Variants in DSC3 observed in about 807,000 individuals in gnomAD.
The protein encoded by DSC3 is desmocollin 3, also known as desmocollin-3.
In DSC3, 97 loss-of-function variants were observed where a neutral mutation model predicts 89.5. That is an observed-to-expected ratio of 1.08 (90% CI 0.92 to 1.28). The LOEUF (loss-of-function observed/expected upper bound fraction) is 1.28. Among genes scored for constraint, DSC3 ranks in the 50% most tolerant of loss-of-function variants. The pLI is 0.00. For synonymous variants in DSC3, 436 were observed against 384.1 expected (o/e 1.14, Z -1.58); for missense variants, 1,199 against 1,085.3 (o/e 1.10, Z -1.47).
chr18:31,016,136 C>T (rs1326982784), intron 9 of DSC3, among the ~76,000 whole-genome samples: 1 of 152,128 alleles, frequency 6.6e-6, no homozygotes. Flanking sequence ...GAACTCCTGC[C>T]AGTTTTCCAG....
chr18:31,028,962 T>C (rs1053324207), intron 4 of DSC3, among the ~76,000 whole-genome samples: 1 of 152,152 alleles, frequency 6.6e-6, no homozygotes, highest in African/African-American at 2.4e-5. Context: ...TGTACTTTCC[T>C]CTTCTTCTGC....
At chr18:30,998,269 GAGCCTACA>G (rs1464336499) in intron 14 of DSC3, among the ~76,000 whole-genome samples, 5 of 152,122 alleles carry the variant, frequency 3.3e-5, no homozygotes, top group Non-Finnish European at 7.4e-5. Context: ...ACTCCACAGA[GAGCCTACA>G]AGTATCTAGA....
intron 9 of DSC3, among the ~76,000 whole-genome samples, chr18:31,014,334 T>A (rs552399224): frequency 6.6e-6 from 1 of 152,246 alleles, no homozygotes; most frequent in African/African-American, 2.4e-5. Context: ...TACTTAAACA[T>A]GTTTGTGTAT....
chr18:31,019,679 A>C (rs1985355274), intron 7 of DSC3, among the ~76,000 whole-genome samples: 2 of 152,112 alleles, frequency 1.3e-5, no homozygotes, highest in Non-Finnish European at 2.9e-5. Context: ...CGTACTCCCA[A>C]GCTACTTGAG....
intron 7 of DSC3, 70 bp from the exon 8 acceptor site, chr18:31,018,870 G>A (rs1041624654): frequency 4.8e-5 from 67 of 1,398,284 alleles, no homozygotes; most frequent in Non-Finnish European, 6.5e-5. Context: ...AACCTCAATT[G>A]CACACTCACT....
chr18:31,025,671 G>A (rs1023063795), intron 5 of DSC3, 89 bp downstream of exon 5: 2 of 1,352,558 alleles, frequency 1.5e-6, no homozygotes, highest in South Asian at 2.4e-5. Context: ...AGAAGAGAAT[G>A]CAAGGAGAGA....
chr18:31,030,686 G>C (rs1351410771), intron 3 of DSC3, among the ~76,000 whole-genome samples: 2 of 151,630 alleles, frequency 1.3e-5, no homozygotes, highest in African/African-American at 4.8e-5. Context: ...GAGAGGTAGA[G>C]AGAAGGATAG....
chr18:31,006,987 A>G lies in DSC3; in HGVS notation c.1808T>C (p.Val603Ala), dbSNP rs746577484. 4 of 1,613,968 alleles carry G rather than the reference A, an allele frequency of 2.5e-6. No individual in the cohort carries two copies. Among genetic ancestry groups the G allele is most frequent in the Non-Finnish European group, 2.5e-6 (3 of 1,179,946 alleles). ...ACTGAAATAAAATGGAGCTCCATGG[A>G]CAGGTTCATCAGGATCAACAGCTAA... ...DILAVDPDEPVHGAPFYFSLP... is the reference protein window; with the variant it reads ...DILAVDPDEPAHGAPFYFSLP... Residue 603 changes from valine (V) to alanine (A), a missense_variant, in exon 12 of 16, where the codon GTC (valine) becomes GCC (alanine). By Grantham distance (64) the Val-to-Ala change is moderately conservative (BLOSUM62 0). Transcript: ENST00000360428.
rs769775168 is a variant in DSC3 at position 31,031,059 on chromosome 18, T to C, written c.268A>G (p.Lys90Glu). 5 of 1,614,122 alleles carry C rather than the reference T, an allele frequency of 3.1e-6. No homozygotes were observed. The South Asian group carries it at 4.4e-5, about 14-fold the overall frequency. ...AGCCATATGGTAAATGATCTTTTCT[T>C]ATCAGACAGCGCAACAGCCCTGGCT... ...YTARAVALSD[K>E]KRSFTIWLSD... Residue 90 changes from lysine (K) to glutamate (E), a missense_variant, in exon 3 of 16, where the codon AAG becomes GAG. By Grantham distance (56) the Lys-to-Glu change is moderately conservative. Coordinates refer to ENST00000360428, the MANE Select transcript of DSC3 (RefSeq NM_001941.5).
rs555847013 is a variant in DSC3 at position 31,024,280 on chromosome 18, C to G, written c.775+69G>C. 35 of 1,437,304 alleles carry G rather than the reference C, an allele frequency of 2.4e-5. No individual in the cohort carries two copies. The African/African-American group carries it at 4.4e-4, about 18-fold the overall frequency. 89.0% of individuals were successfully genotyped at this position (1,437,304 alleles called of 1,614,324 possible). A position where few individuals can be genotyped will look rare whatever the true frequency, so the allele number is the denominator to read the frequency against. The stretch of plus-strand genomic sequence containing the variant: ...CTGATCTGGCCTTGAGTATAAAAAG[C>G]TCTATGTCTTTTAAAATGTACACAG... On this transcript the variant is annotated intron_variant, in intron 6 of 15. Transcript: ENST00000360428.
intron 2 of DSC3, among the ~76,000 whole-genome samples, chr18:31,031,491 G>A (rs1259037651): frequency 6.6e-6 from 1 of 152,056 alleles, no homozygotes; most frequent in African/African-American, 2.4e-5. Context: ...TGAGCAACAT[G>A]CCCCCAACAC....
chr18:31,016,628 A>T (rs1371244776), intron 9 of DSC3, among the ~76,000 whole-genome samples: 1 of 152,148 alleles, frequency 6.6e-6, no homozygotes, highest in Non-Finnish European at 1.5e-5. Flanking sequence ...TTGGCTCTTC[A>T]GATTCAGGGT....
At position 30,989,906 on chromosome 18, in the gene DSC3, G is replaced by A. The variant is rs1984173853; in HGVS notation, c.*4269C>T. 6.9e-6 allele frequency: 1 copy of A among 144,490 alleles called. No individual in the cohort carries two copies. The highest frequency in any genetic ancestry group is 2.6e-5 in the African/African-American group (1 of 38,036). 9.0% of individuals were successfully genotyped at this position (144,490 alleles called of 1,614,324 possible). A position where few individuals can be genotyped will look rare whatever the true frequency, so the allele number is the denominator to read the frequency against. On this transcript the variant is annotated 3_prime_UTR_variant, in exon 16 of 16. Transcript: ENST00000360428. Reference sequence around the variant, plus strand: ...CCTATGTAACAAACCTGCACATCCTGCACGTGTATCCTGGAACTTAAAATA... The same window carrying A: ...CCTATGTAACAAACCTGCACATCCTACACGTGTATCCTGGAACTTAAAATA...
chr18:31,037,998 T>C (rs973965836), intron 1 of DSC3, among the ~76,000 whole-genome samples: 3 of 152,210 alleles, frequency 2.0e-5, no homozygotes, highest in African/African-American at 2.4e-5. Context: ...AATCAGTTTT[T>C]CTCTGTTGAT....
rs1985443712 is a variant in DSC3, at chr18:31,022,193, A to G, written c.942+143T>C. ...TAAGGAAATAGAAATAATATAAAAA[A>G]CAGAAAAAATTGTTAGGAATTCTTA... is the stretch of plus-strand genomic sequence containing the variant. On this transcript the variant is annotated intron_variant, in intron 7 of 15. Coordinates refer to ENST00000360428, the MANE Select transcript of DSC3 (RefSeq NM_001941.5). The G allele has an allele frequency of 3.0e-6, 3 of 1,015,996 alleles. No homozygotes were observed. The Admixed American group carries it at 8.0e-5, about 27-fold the overall frequency. The allele number at this position is 1,015,996 out of a possible 1,614,324, so 62.9% of individuals were successfully genotyped here. A position where few individuals can be genotyped will look rare whatever the true frequency, so the allele number is the denominator to read the frequency against.
intron 6 of DSC3, among the ~76,000 whole-genome samples, chr18:31,023,632 GA>G (rs1985497008): frequency 6.6e-6 from 1 of 152,058 alleles, no homozygotes; most frequent in Non-Finnish European, 1.5e-5. Flanking sequence ...GCAACTACTG[GA>G]AACTTTAAAA....
chr18:31,018,174 G>T lies in DSC3; in HGVS notation c.1160C>A (p.Ala387Asp). ...AATGGTAAAATTGACTCTCCAATTG[G>T]CAGTGTTAATTAAATCCTTATCTTC... The part of the protein sequence containing the change: ...PIEDKDLINT[A>D]NWRVNFTILK... Residue 387 changes from alanine (A) to aspartate (D), a missense_variant, in exon 9 of 16, where the codon GCC becomes GAC. Physicochemically the swap from Ala to Asp is moderately radical, Grantham distance 126 (BLOSUM62 -2). Transcript: ENST00000360428. 6.2e-7 allele frequency: 1 copy of T among 1,611,470 alleles called. No individual in the cohort carries two copies.
intron 1 of DSC3, among the ~76,000 whole-genome samples, chr18:31,040,940 T>C (rs1176763119): frequency 2.6e-5 from 4 of 152,162 alleles, no homozygotes; most frequent in Admixed American, 6.5e-5. Flanking sequence ...TCATTTTCTG[T>C]GCACTTTCCG....
At chr18:31,010,604 CAG>C (rs1384650024) in intron 9 of DSC3, among the ~76,000 whole-genome samples, 1 of 152,184 alleles carries the variant, frequency 6.6e-6, no homozygotes, top group Non-Finnish European at 1.5e-5. Context: ...TCTTCCACCT[CAG>C]GGTACGTTTT....
Sources: gnomAD v4.1 joint callset for allele counts (sites outside exome capture counted in the v4.1 genomes callset) on GRCh38, gnomAD v4.1.1 for gene constraint, MANE v1.5 for transcripts, NCBI Gene and HGNC (gene_info 2026-07-23, HGNC 2026-07-21) for gene names.